The following CUL2 variants were observed in gnomAD, a reference collection of about 807,000 sequenced individuals.
CUL2 encodes the protein cullin 2, also known as cullin-2.
Under a neutral mutation model 110.2 loss-of-function variants are expected in CUL2, and 22 were observed. That is an observed-to-expected ratio of 0.20 (90% CI 0.14 to 0.28). CUL2 has a LOEUF of 0.28. CUL2 is among the 10% of genes least tolerant of loss of function. The pLI is 1.00. For synonymous variants in CUL2, 279 were observed against 293.2 expected, an observed-to-expected ratio of 0.95 and a Z score of 0.49; for missense variants, 631 against 905.5, an observed-to-expected ratio of 0.70 and a Z score of 3.89.
At chr10:35,046,859 T>G (rs991331496) in intron 6 of CUL2, among the ~76,000 whole-genome samples, 1 of 151,930 alleles carries the variant, frequency 6.6e-6, no homozygotes, top group African/African-American at 2.4e-5. Flanking sequence ...TGCCACGGCA[T>G]TCTAGCCTGG....
chr10:35,075,369 G>A (rs1229833858), intron 1 of CUL2, among the ~76,000 whole-genome samples: 11 of 152,086 alleles, frequency 7.2e-5, no homozygotes, highest in African/African-American at 2.2e-4. Flanking sequence ...AAAGAGACAG[G>A]GCAAAGAAGA....
At chr10:35,015,793 T>C (rs1039431790) in intron 18 of CUL2, among the ~76,000 whole-genome samples, 5 of 152,196 alleles carry the variant, frequency 3.3e-5, no homozygotes, top group African/African-American at 4.8e-5. Flanking sequence ...ATATTAAATA[T>C]GTGTACAAAC....
intron 16 of CUL2, among the ~76,000 whole-genome samples, chr10:35,027,767 C>T (rs942182392): frequency 6.6e-6 from 1 of 152,108 alleles, no homozygotes; most frequent in Non-Finnish European, 1.5e-5. Context: ...GACAAACTCC[C>T]TCTACTGGTA....
rs538700609 is a variant in CUL2 at position 35,096,531 on chromosome 10, T to C, written c.167+4313A>G. On this transcript the variant is annotated intron_variant, in intron 2 of 5. Coordinates refer to the CUL2 transcript ENST00000685421. ...TGGAGGCTGAAATGGGAGGATCACT[T>C]GAGTCCAGGAGGTCATGTTTGCAGT... Among the ~76,000 whole-genome samples the C allele has an allele frequency of 1.7e-3, 263 of 152,278 alleles. 1 individual carries two copies. The highest frequency in any genetic ancestry group is 6.0e-3 in the African/African-American group (249 of 41,568).
chr10:35,063,177 T>C (rs2086427016), intron 2 of CUL2, 115 bp from the exon 3 acceptor site: 1 of 614,440 alleles, frequency 1.6e-6, no homozygotes, highest in Non-Finnish European at 2.9e-6. Flanking sequence ...GTTTAGCTTA[T>C]AATATACATA....
chr10:35,024,862 T>C (rs1021751076), intron 17 of CUL2, among the ~76,000 whole-genome samples: 3 of 152,166 alleles, frequency 2.0e-5, no homozygotes, highest in Admixed American at 6.5e-5. Flanking sequence ...CTAAATACAT[T>C]TGCTAATGAA....
In CUL2 at chr10:35,044,810, C is replaced by T. The variant is rs1012233798; in HGVS notation, c.565G>A (p.Val189Ile). The T allele has an allele frequency of 6.2e-7, 1 of 1,613,274 alleles. No homozygotes were observed. ...KVIHGVINSF[V>I]HVEQYKKKFP... ...TTTTTCTTATACTGTTCAACATGAA[C>T]AAAGGAGTTAATAACCCCATGGATT... Residue 189 changes from valine (V) to isoleucine (I), a missense_variant, in exon 7 of 21, where the codon GTT becomes ATT. Physicochemically the swap from Val to Ile is conservative, Grantham distance 29. Transcript: ENST00000374749.
chr10:35,085,104 T>C (rs934312483), intron 1 of CUL2, among the ~76,000 whole-genome samples: 4 of 143,002 alleles, frequency 2.8e-5, no homozygotes, highest in Middle Eastern at 9.1e-3. Context: ...TGGGTGACAG[T>C]GTGAGACTCC....
upstream of CUL2, among the ~76,000 whole-genome samples, chr10:35,095,093 A>G (rs2087275654): frequency 6.6e-6 from 1 of 152,120 alleles, no homozygotes; most frequent in African/African-American, 2.4e-5. Context: ...AGGCTGGTGG[A>G]TCACTTGAGG....
At chr10:35,034,499 T>C (rs561307258) in intron 10 of CUL2, among the ~76,000 whole-genome samples, 1 of 152,302 alleles carries the variant, frequency 6.6e-6, no homozygotes, top group African/African-American at 2.4e-5. Flanking sequence ...TATACACAGA[T>C]ACTATCTTAT....
At chr10:35,068,711 G>A (rs2086601802) in intron 2 of CUL2, among the ~76,000 whole-genome samples, 1 of 152,080 alleles carries the variant, frequency 6.6e-6, no homozygotes, top group Admixed American at 6.6e-5. Flanking sequence ...GAAACAATGT[G>A]GAGGGACCTG....
chr10:35,065,977 T>C (rs1041556417), intron 2 of CUL2, among the ~76,000 whole-genome samples: 2 of 152,346 alleles, frequency 1.3e-5, no homozygotes, highest in South Asian at 2.1e-4. Context: ...CCTCTATTTA[T>C]GAACTTTCCA....
chr10:35,073,381 C>T (rs1453450831), intron 1 of CUL2, among the ~76,000 whole-genome samples: 1 of 152,166 alleles, frequency 6.6e-6, no homozygotes, highest in Admixed American at 6.5e-5. Flanking sequence ...CAACTGTGCA[C>T]ATGAGTATTT....
At chr10:35,040,909 G>A (rs1247294019) in intron 8 of CUL2, among the ~76,000 whole-genome samples, 1 of 152,162 alleles carries the variant, frequency 6.6e-6, no homozygotes, top group African/African-American at 2.4e-5. Context: ...GTGACAGGAG[G>A]CGGAGCTCAG....
In CUL2 at chr10:35,022,839, G is replaced by T. The variant is rs758018494; in HGVS notation, c.1684+2293C>A. Reference sequence around the variant, plus strand: ...AGGTGGGTGGATCACGAGGTCAGGCGTTCGAGACCAGCCTGGCCAACATGG... The same window carrying T: ...AGGTGGGTGGATCACGAGGTCAGGCTTTCGAGACCAGCCTGGCCAACATGG... On this transcript the variant is annotated intron_variant, in intron 17 of 20. Transcript: ENST00000374749. Among the ~76,000 whole-genome samples the T allele has an allele frequency of 2.6e-5, 4 of 152,146 alleles. No individual in the cohort carries two copies. The East Asian group carries it at 7.7e-4, about 29-fold the overall frequency.
chr10:35,045,093 AAAG>A (rs1418826126), intron 6 of CUL2, among the ~76,000 whole-genome samples: 3 of 152,346 alleles, frequency 2.0e-5, no homozygotes, highest in African/African-American at 7.2e-5. Flanking sequence ...CAAGAAATAA[AAAG>A]AAAACTGATT....
chr10:35,117,072 TAC>T (rs970160119), intron 1 of CUL2, among the ~76,000 whole-genome samples: 16 of 150,232 alleles, frequency 1.1e-4, no homozygotes, highest in African/African-American at 3.9e-4. Flanking sequence ...TCCTTCAAAT[TAC>T]AGAGTATTTT....
At chr10:35,091,822 G>A (rs1262507612), upstream of CUL2, among the ~76,000 whole-genome samples, 1 of 151,654 alleles carries the variant, frequency 6.6e-6, no homozygotes, top group African/African-American at 2.4e-5. Flanking sequence ...GTTTCACCAT[G>A]TCACCACATT....
intron 1 of CUL2, among the ~76,000 whole-genome samples, chr10:35,106,938 T>C (rs2087464952): frequency 6.8e-6 from 1 of 147,504 alleles, no homozygotes; most frequent in African/African-American, 2.4e-5. Context: ...TATGTCTGCA[T>C]TGCCCTTAAC....
Sources: allele counts gnomAD v4.1 joint callset (sites outside exome capture counted in the v4.1 genomes callset), GRCh38; gene constraint gnomAD v4.1.1; transcripts MANE v1.5; gene names NCBI Gene and HGNC (gene_info 2026-07-23, HGNC 2026-07-21).